Variants in TXNDC16 observed in about 807,000 individuals in gnomAD.
TXNDC16 encodes thioredoxin domain-containing protein 16.
Under a neutral mutation model 85.6 loss-of-function variants are expected in TXNDC16, and 74 were observed. The observed-to-expected ratio is 0.86, with a 90% CI of 0.72 to 1.05. The LOEUF (loss-of-function observed/expected upper bound fraction) is 1.05. Ranked by LOEUF, TXNDC16 falls within the 50% of genes least tolerant of loss-of-function variation. The pLI is 0.00. For synonymous variants in TXNDC16, 335 were observed against 326.5 expected, an observed-to-expected ratio of 1.03 and a Z score of -0.28; for missense variants, 959 against 947.0, an observed-to-expected ratio of 1.01 and a Z score of -0.17.
chr14:52,490,834 G>C lies in TXNDC16; in HGVS notation c.923+5C>G. 1 of 1,602,806 alleles carries C rather than the reference G, an allele frequency of 6.2e-7. No individual in the cohort carries two copies. The highest frequency in any genetic ancestry group is 8.5e-7 in the Non-Finnish European group (1 of 1,177,358). On this transcript the variant is annotated splice_donor_5th_base_variant and intron_variant, in intron 10 of 20. Coordinates refer to ENST00000281741, the MANE Select transcript of TXNDC16 (RefSeq NM_020784.3). ...AATATAGTAAATATTCGATGTTTAA[G>C]ATACCTTAACAAGAGTAGAACTCCT...
chr14:52,481,198 G>A (rs577384059), intron 14 of TXNDC16, among the ~76,000 whole-genome samples: 1 of 151,888 alleles, frequency 6.6e-6, no homozygotes, highest in African/African-American at 2.4e-5. Flanking sequence ...AGGGGAAAGG[G>A]TGGGAATAGG....
intron 1 of TXNDC16, among the ~76,000 whole-genome samples, chr14:52,551,976 C>T (rs180778013): frequency 1.3e-5 from 2 of 152,322 alleles, no homozygotes; most frequent in African/African-American, 4.8e-5. Context: ...ATCGCTTCAA[C>T]ATCCATCTGA....
Position 52,440,771 on chromosome 14 carries a change from A to C in TXNDC16, c.1843-47T>G. The C allele has an allele frequency of 3.3e-6, 5 of 1,535,338 alleles. No individual in the cohort carries two copies. The South Asian group carries it at 5.9e-5, about 18-fold the overall frequency. ...AACAATAAAAAATGCATTGGGGATG[A>C]TAATGCATACCACAGAAGACATTCA... On this transcript the variant is annotated intron_variant, in intron 18 of 20. Transcript: ENST00000281741.
At chr14:52,480,687 G>T (rs2140142301) in intron 14 of TXNDC16, among the ~76,000 whole-genome samples, 1 of 152,058 alleles carries the variant, frequency 6.6e-6, no homozygotes, top group East Asian at 1.9e-4. Context: ...TGTTGGCGTG[G>T]ATGTGGTGAA....
chr14:52,484,201 G>C (rs190520545), intron 12 of TXNDC16, among the ~76,000 whole-genome samples: 57 of 150,994 alleles, frequency 3.8e-4, no homozygotes, highest in Admixed American at 1.7e-3. Context: ...AACAATAAGG[G>C]GGGGGGGTGA....
At chr14:52,536,598 A>T in intron 6 of TXNDC16, 121 bp downstream of exon 6, 3 of 954,966 alleles carry the variant, frequency 3.1e-6, no homozygotes, top group Non-Finnish European at 4.6e-6. Flanking sequence ...ATTTGTGTTA[A>T]ATTGTTGCCT....
intron 6 of TXNDC16, among the ~76,000 whole-genome samples, chr14:52,532,143 T>G (rs368046310): frequency 6.6e-6 from 1 of 150,638 alleles, no homozygotes; most frequent in Admixed American, 6.6e-5. Flanking sequence ...AAAAGACAAA[T>G]GAAAAACTTG....
intron 9 of TXNDC16, among the ~76,000 whole-genome samples, chr14:52,510,688 A>G (rs1423330052): frequency 6.6e-6 from 1 of 152,254 alleles, no homozygotes. Context: ...GAGAATATCT[A>G]CTAAAGATTT....
chr14:52,479,395 ATTGT>A (rs923411548), intron 14 of TXNDC16, among the ~76,000 whole-genome samples: 2 of 152,092 alleles, frequency 1.3e-5, no homozygotes, highest in African/African-American at 4.8e-5. Flanking sequence ...TGGTGATATG[ATTGT>A]TTATCTAGAA....
chr14:52,507,263 A>C (rs1217841495), intron 9 of TXNDC16, among the ~76,000 whole-genome samples: 2 of 152,210 alleles, frequency 1.3e-5, no homozygotes, highest in Non-Finnish European at 2.9e-5. Context: ...ATTCTTATAC[A>C]CCAAGGACAG....
At chr14:52,515,184 G>A (rs569091328) in intron 7 of TXNDC16, among the ~76,000 whole-genome samples, 3 of 152,258 alleles carry the variant, frequency 2.0e-5, no homozygotes, top group Non-Finnish European at 4.4e-5. Flanking sequence ...TTCAGAGGGA[G>A]TAGAAAATGA....
chr14:52,551,792 T>C (rs1027422666), intron 1 of TXNDC16, among the ~76,000 whole-genome samples: 2 of 151,914 alleles, frequency 1.3e-5, no homozygotes, highest in Non-Finnish European at 2.9e-5. Context: ...CCATCTACCA[T>C]ACACAGGTCC....
intron 9 of TXNDC16, among the ~76,000 whole-genome samples, chr14:52,494,158 T>A (rs1323385511): frequency 1.3e-5 from 2 of 151,972 alleles, no homozygotes; most frequent in Non-Finnish European, 2.9e-5. Flanking sequence ...TATATATATA[T>A]AAAGTACTCA....
intron 6 of TXNDC16, among the ~76,000 whole-genome samples, chr14:52,527,099 T>G (rs1271677844): frequency 6.6e-6 from 1 of 152,166 alleles, no homozygotes; most frequent in East Asian, 1.9e-4. Context: ...TAAATGTAAA[T>G]AATTGTTTCC....
intron 16 of TXNDC16, 46 bp downstream of exon 16, chr14:52,469,991 C>A: frequency 6.8e-7 from 1 of 1,460,602 alleles, no homozygotes; most frequent in Non-Finnish European, 9.0e-7. Flanking sequence ...AACTAGCAAG[C>A]AATGATATAC....
chr14:52,535,472 T>G (rs60595493), intron 6 of TXNDC16, among the ~76,000 whole-genome samples: 2,369 of 152,050 alleles, frequency 0.016, 49 homozygotes, highest in African/African-American at 0.054. Context: ...TTTCCAGGAG[T>G]TAAACTACCA....
At chr14:52,462,112 G>A (rs1281822741) in intron 16 of TXNDC16, among the ~76,000 whole-genome samples, 2 of 152,146 alleles carry the variant, frequency 1.3e-5, no homozygotes, top group African/African-American at 4.8e-5. Context: ...TAGACATAGA[G>A]ACATCCAGAC....
At chr14:52,541,233 T>C (rs1269352971) in intron 4 of TXNDC16, among the ~76,000 whole-genome samples, 2 of 134,278 alleles carry the variant, frequency 1.5e-5, no homozygotes, top group African/African-American at 3.0e-5. Flanking sequence ...CAAAACTCTG[T>C]CTCAAAAAAA....
chr14:52,538,885 A>G lies in TXNDC16; in HGVS notation c.244-1213T>C, dbSNP rs777901682. ...TACAAAACAGGAACTGACACTAAGA[A>G]ACGAGAAATAGAGAATCAGAATTAA... On this transcript the variant is annotated intron_variant, in intron 4 of 20. Coordinates refer to ENST00000281741, the MANE Select transcript of TXNDC16 (RefSeq NM_020784.3). Among the ~76,000 whole-genome samples the G allele has an allele frequency of 4.7e-4, 71 of 152,214 alleles. 1 individual carries two copies. The highest frequency in any genetic ancestry group is 9.3e-4 in the Non-Finnish European group (63 of 68,034).
Sources: allele counts gnomAD v4.1 joint callset (sites outside exome capture counted in the v4.1 genomes callset), GRCh38; gene constraint gnomAD v4.1.1; transcripts MANE v1.5; gene names NCBI Gene and HGNC (gene_info 2026-07-23, HGNC 2026-07-21).